SYNPO2: variants seen among roughly 807,000 people sequenced by gnomAD.
SYNPO2 encodes the protein synaptopodin 2.
SYNPO2 carries 56 observed loss-of-function variants against 85.0 expected under a neutral mutation model. That is an observed-to-expected ratio of 0.66 (90% CI 0.53 to 0.82). The LOEUF (loss-of-function observed/expected upper bound fraction) is 0.82, where lower values mean the gene tolerates loss of function less well. SYNPO2 is among the 40% of genes least tolerant of loss of function. The probability of loss-of-function intolerance (pLI) is 0.00; values close to 1 mark genes in which losing one functional copy is unlikely to be tolerated. For synonymous variants in SYNPO2, 602 were observed against 591.1 expected (o/e 1.02, Z -0.27); for missense variants, 1,575 against 1,534.2 (o/e 1.03, Z -0.44).
chr4:118,872,640 C>A (rs971786211), intron 1 of SYNPO2, among the ~76,000 whole-genome samples: 4 of 152,146 alleles, frequency 2.6e-5, no homozygotes, highest in African/African-American at 9.7e-5. Flanking sequence ...ACTCCTCTTG[C>A]TTTCTGAGGA....
intron 1 of SYNPO2, among the ~76,000 whole-genome samples, chr4:118,880,198 A>G (rs28378450): frequency 0.66 from 100,059 of 152,048 alleles, 33,607 homozygotes; most frequent in East Asian, 0.73. Flanking sequence ...CCAACAAAAC[A>G]ATCAAAATGT....
At chr4:119,024,760 C>T (rs1000861941) in intron 2 of SYNPO2, among the ~76,000 whole-genome samples, 1 of 152,048 alleles carries the variant, frequency 6.6e-6, no homozygotes, top group Non-Finnish European at 1.5e-5. Context: ...AAGTCAAAAG[C>T]AATTATTATC....
At chr4:119,048,750 A>C (rs996069184) in intron 4 of SYNPO2, among the ~76,000 whole-genome samples, 2 of 152,210 alleles carry the variant, frequency 1.3e-5, no homozygotes, top group African/African-American at 4.8e-5. Context: ...GTTCAAGGCC[A>C]GTGTGGCTGG....
chr4:118,853,699 T>C (rs945682794), intron 1 of SYNPO2, among the ~76,000 whole-genome samples: 1 of 152,036 alleles, frequency 6.6e-6, no homozygotes, highest in African/African-American at 2.4e-5. Flanking sequence ...GTCTTAGGGG[T>C]AGCGGGAGAA....
chr4:119,019,067 G>T (rs1737623091), intron 1 of SYNPO2, among the ~76,000 whole-genome samples: 2 of 152,156 alleles, frequency 1.3e-5, no homozygotes, highest in African/African-American at 4.8e-5. Flanking sequence ...CTTGATGGGG[G>T]AGGCTGGGAG....
chr4:118,926,999 C>T (rs1186254132), intron 1 of SYNPO2, among the ~76,000 whole-genome samples: 1 of 152,148 alleles, frequency 6.6e-6, no homozygotes, highest in Non-Finnish European at 1.5e-5. Context: ...TAGGGCACCC[C>T]TGCTCATCAA....
At chr4:118,894,932 T>C (rs1489128988) in intron 1 of SYNPO2, among the ~76,000 whole-genome samples, 2 of 152,170 alleles carry the variant, frequency 1.3e-5, no homozygotes, top group Non-Finnish European at 2.9e-5. Context: ...AATATTAGTT[T>C]CAACATGATC....
chr4:118,984,548 C>T (rs199816150), intron 1 of SYNPO2, among the ~76,000 whole-genome samples: 2 of 152,196 alleles, frequency 1.3e-5, no homozygotes, highest in Non-Finnish European at 2.9e-5. Context: ...CAGGCCAGCA[C>T]TCTGGATTCT....
chr4:119,036,198 A>G, intron 4 of SYNPO2: 1 of 985,384 alleles, frequency 1.0e-6, no homozygotes, highest in Non-Finnish European at 1.2e-6. Flanking sequence ...AAAAGAAATG[A>G]TTGTTTTTTG....
At chr4:118,885,106 C>A (rs961226622), upstream of SYNPO2, among the ~76,000 whole-genome samples, 5 of 152,128 alleles carry the variant, frequency 3.3e-5, no homozygotes, top group African/African-American at 1.2e-4. Context: ...AACAAAAAAG[C>A]AATTTTGAGA....
At position 118,856,145 on chromosome 4, in the gene SYNPO2, G is replaced by A. The variant is rs144405836; in HGVS notation, c.12+5205G>A. ...TAGTCAGCGAGTCATTTGAGGGTAG[G>A]AGCCATATATATTTTTTCAGCTTTA... On this transcript the variant is annotated intron_variant, in intron 1 of 4. Transcript: ENST00000610556. Among the ~76,000 whole-genome samples, 1,327 of 152,262 alleles carry A rather than the reference G, an allele frequency of 8.7e-3. 22 individuals are homozygous for A. Among genetic ancestry groups the A allele is most frequent in the African/African-American group, 0.03 (1,245 of 41,536 alleles).
At chr4:118,910,377 G>A (rs933555680) in intron 1 of SYNPO2, among the ~76,000 whole-genome samples, 5 of 152,146 alleles carry the variant, frequency 3.3e-5, no homozygotes, top group Non-Finnish European at 7.3e-5. Context: ...TGCATAACAC[G>A]CCTATACTCA....
At chr4:118,977,373 G>A (rs563243422) in intron 1 of SYNPO2, among the ~76,000 whole-genome samples, 189 of 152,334 alleles carry the variant, frequency 1.2e-3, no homozygotes, top group Non-Finnish European at 4.7e-4. Context: ...ACGCCCACCC[G>A]GAACTCCAGC....
At chr4:119,000,404 G>A (rs1339846973) in intron 1 of SYNPO2, among the ~76,000 whole-genome samples, 2 of 152,136 alleles carry the variant, frequency 1.3e-5, no homozygotes, top group South Asian at 2.1e-4. Flanking sequence ...ATGAGAGCCC[G>A]CCTCCCTTTG....
chr4:118,932,635 C>G (rs912084613), intron 1 of SYNPO2, among the ~76,000 whole-genome samples: 2 of 152,098 alleles, frequency 1.3e-5, no homozygotes, highest in Admixed American at 6.5e-5. Flanking sequence ...GGTTCACGTT[C>G]GGCAGAAAAT....
intron 1 of SYNPO2, among the ~76,000 whole-genome samples, chr4:118,879,802 T>C (rs1395428013): frequency 1.3e-5 from 2 of 152,006 alleles, no homozygotes; most frequent in African/African-American, 2.4e-5. Flanking sequence ...ACTGCAACTT[T>C]TGTGACATGC....
At chr4:119,033,761 TC>T in intron 4 of SYNPO2, 1 of 985,062 alleles carries the variant, frequency 1.0e-6, no homozygotes, top group Non-Finnish European at 1.2e-6. Flanking sequence ...TTTAAAAAAA[TC>T]TTCCTTGTAT....
In SYNPO2 at chr4:119,031,555, C is replaced by A. The variant is rs1239718386; in HGVS notation, c.2780C>A (p.Pro927His). 3 of 1,614,048 alleles carry A rather than the reference C, an allele frequency of 1.9e-6. No individual in the cohort carries two copies. The East Asian group carries it at 6.7e-5, about 36-fold the overall frequency. The change falls in exon 4 of 5, where the codon CCT becomes CAT. Residue 927 changes from proline (P) to histidine (H), a missense_variant. Pro to His is a moderately conservative substitution (Grantham distance 77). Coordinates refer to ENST00000307142, the MANE Select transcript of SYNPO2 (RefSeq NM_133477.3). ...VRAPPPVAYN[P>H]IHSPSYPLAA... ...GCACCTCCTCCTGTGGCCTATAATCCTATCCACTCGCCGTCTTACCCACTG... is the reference window on the plus strand; with the variant it reads ...GCACCTCCTCCTGTGGCCTATAATCATATCCACTCGCCGTCTTACCCACTG...
In SYNPO2 at chr4:119,031,509, A is replaced by T. The variant is rs1185366612; in HGVS notation, c.2734A>T (p.Lys912Ter). ...CACTCCATCTCTCCCGGCCAGTTGG[A>T]AGTACTCCTCCAATGTCCGAGCACC... Reference protein sequence around the residue: ...SPTPSLPASWKYSSNVRAPPP... With the variant: ...SPTPSLPASW The change falls in exon 4 of 5, where the codon AAG becomes TAG. Residue 912 changes from lysine to a stop codon, truncating the protein, a stop_gained. Coordinates refer to ENST00000307142, the MANE Select transcript of SYNPO2 (RefSeq NM_133477.3). LOFTEE classifies it high-confidence loss of function. The T allele has an allele frequency of 5.6e-6, 9 of 1,614,040 alleles. No homozygotes were observed. Among genetic ancestry groups the T allele is most frequent in the Non-Finnish European group, 7.6e-6 (9 of 1,179,996 alleles).
Sources: allele counts gnomAD v4.1 joint callset (sites outside exome capture counted in the v4.1 genomes callset), GRCh38; gene constraint gnomAD v4.1.1; transcripts MANE v1.5; gene names NCBI Gene and HGNC (gene_info 2026-07-23, HGNC 2026-07-21).